TP63: variants seen among roughly 807,000 people sequenced by gnomAD.
TP63 encodes tumor protein p63.
Under a neutral mutation model 82.8 loss-of-function variants are expected in TP63, and 17 were observed. That is an observed-to-expected ratio of 0.21 (90% CI 0.14 to 0.31). The LOEUF is 0.31. Among genes scored for constraint, TP63 ranks in the 10% least tolerant of loss-of-function variants. The probability of loss-of-function intolerance (pLI) is 1.00; values close to 1 mark genes in which losing one functional copy is unlikely to be tolerated. For missense variants in TP63, 648 were observed against 895.3 expected (o/e 0.72, Z 3.52); for synonymous variants, 330 against 321.7 (o/e 1.03, Z -0.28).
chr3:189,866,626 A>G lies in TP63; in HGVS notation c.767-56A>G, dbSNP rs1717758329. ...CATCCTGTTCATGCAATTTCATTTT[A>G]TTTTCTTTATTTTTAAGGTAAAGAA... is the stretch of plus-strand genomic sequence containing the variant. On this transcript the variant is annotated intron_variant, in intron 5 of 13. Coordinates refer to ENST00000264731, the MANE Select transcript of TP63 (RefSeq NM_003722.5). 2.0e-6 allele frequency: 3 copies of G among 1,487,514 alleles called. No individual in the cohort carries two copies. The East Asian group carries it at 7.1e-5, about 35-fold the overall frequency. The allele number at this position is 1,487,514 out of a possible 1,614,324, so 92.1% of individuals were successfully genotyped here.
chr3:189,798,050 A>C (rs1725894160), intron 3 of TP63, among the ~76,000 whole-genome samples: 1 of 151,896 alleles, frequency 6.6e-6, no homozygotes, highest in South Asian at 2.1e-4. Context: ...AGACCCTGGG[A>C]GGGTAGAGGA....
intron 1 of TP63, among the ~76,000 whole-genome samples, chr3:189,694,300 CA>C (rs1407525862): frequency 1.3e-5 from 2 of 152,184 alleles, no homozygotes; most frequent in African/African-American, 4.8e-5. Context: ...ATATTTGCCA[CA>C]ACGAATGAAC....
intron 1 of TP63, among the ~76,000 whole-genome samples, chr3:189,683,857 A>G (rs1026819504): frequency 1.3e-5 from 2 of 152,202 alleles, no homozygotes; most frequent in Non-Finnish European, 2.9e-5. Context: ...CTGCTCTCAA[A>G]GTGTTAAAGT....
chr3:189,627,776 G>T (rs182082339), upstream of TP63, among the ~76,000 whole-genome samples: 2 of 152,112 alleles, frequency 1.3e-5, no homozygotes, highest in African/African-American at 4.8e-5. Flanking sequence ...AAGTTTTGGG[G>T]TAATAGGGTT....
chr3:189,752,673 C>T lies in TP63; in HGVS notation c.324+13899C>T, dbSNP rs993125546. On this transcript the variant is annotated intron_variant, in intron 3 of 13. Coordinates refer to ENST00000264731, the MANE Select transcript of TP63 (RefSeq NM_003722.5). ...TTTCCATTTTCAACTTGATTATTTC[C>T]GGCCTTATTTGCTTTCTTTTTCTTT... 7.2e-5 allele frequency among the ~76,000 whole-genome samples: 11 copies of T among 151,786 alleles called. No individual in the cohort carries two copies. In the South Asian group the frequency reaches 8.3e-4, roughly 11 times the overall value.
rs79621548 is a variant in TP63, at chr3:189,869,041, A to G, written c.1130-283A>G. ...GCTTTCCTGCAACATTACTTAAGCC[A>G]AAGGCTATTTCCCAGCATACTGAAT... On this transcript the variant is annotated intron_variant, in intron 8 of 13. Coordinates refer to ENST00000264731, the MANE Select transcript of TP63 (RefSeq NM_003722.5). 0.02 allele frequency among the ~76,000 whole-genome samples: 3,048 copies of G among 152,292 alleles called. 111 individuals are homozygous for G. Among genetic ancestry groups the G allele is most frequent in the African/African-American group, 0.069 (2,857 of 41,554 alleles).
intron 1 of TP63, among the ~76,000 whole-genome samples, chr3:189,677,813 CA>C (rs1358215739): frequency 6.6e-6 from 1 of 151,990 alleles, no homozygotes; most frequent in Non-Finnish European, 1.5e-5. Flanking sequence ...GATGGTATCT[CA>C]TTGTGGTTTT....
intron 3 of TP63, among the ~76,000 whole-genome samples, chr3:189,741,385 T>A (rs1284876485): frequency 6.6e-6 from 1 of 152,268 alleles, no homozygotes; most frequent in East Asian, 1.9e-4. Context: ...TAGCTAGTGT[T>A]CTGGTTTAGA....
At chr3:189,619,583 G>A in the TP63 span, among the ~76,000 whole-genome samples, 1 of 152,056 alleles carries the variant, frequency 6.6e-6, no homozygotes, top group East Asian at 1.9e-4. Flanking sequence ...CTCACACTTA[G>A]CCTTTAACTG....
At chr3:189,648,186 T>A (rs559100599) in intron 1 of TP63, among the ~76,000 whole-genome samples, 4 of 147,068 alleles carry the variant, frequency 2.7e-5, no homozygotes, top group African/African-American at 7.6e-5. Flanking sequence ...TAAATGGTAG[T>A]GTGTGTTCGA....
Position 189,868,728 on chromosome 3 carries a change from T to C in TP63, c.1129+12T>C, listed in dbSNP as rs1233584934. ...TGGTACGAAGCGCCGTAAGTAGATG[T>C]AGTGGCCAAATGGGGTAGGGTTGAA... On this transcript the variant is annotated intron_variant, in intron 8 of 13. Coordinates refer to ENST00000264731, the MANE Select transcript of TP63 (RefSeq NM_003722.5). 2 of 1,613,826 alleles carry C rather than the reference T, an allele frequency of 1.2e-6. No homozygotes were observed.
chr3:189,611,953 C>T, the TP63 span, among the ~76,000 whole-genome samples: 1 of 152,002 alleles, frequency 6.6e-6, no homozygotes, highest in Admixed American at 6.6e-5. Flanking sequence ...TATAGGAATA[C>T]TAGTGATTTT....
intron 3 of TP63, among the ~76,000 whole-genome samples, chr3:189,775,239 A>AAG (rs1553836709): frequency 6.5e-5 from 9 of 138,658 alleles, no homozygotes; most frequent in South Asian, 2.2e-4. Flanking sequence ...AAAAAAAAAA[A>AAG]AAAGAAAGAA....
intron 1 of TP63, among the ~76,000 whole-genome samples, chr3:189,666,757 T>C (rs1714422686): frequency 6.6e-6 from 1 of 152,114 alleles, no homozygotes; most frequent in East Asian, 1.9e-4. Context: ...TTCATTCTCC[T>C]AAATTCAAGC....
intron 4 of TP63, among the ~76,000 whole-genome samples, chr3:189,854,386 A>G (rs1716035662): frequency 6.6e-6 from 1 of 151,970 alleles, no homozygotes; most frequent in Non-Finnish European, 1.5e-5. Context: ...ATGTGCCACC[A>G]CGCCCAGCTA....
chr3:189,713,836 CATA>C (rs771751743), intron 1 of TP63, among the ~76,000 whole-genome samples: 4 of 151,616 alleles, frequency 2.6e-5, no homozygotes, highest in African/African-American at 2.4e-5. Context: ...TAAATAAGTC[CATA>C]ATAATATAAT....
chr3:189,795,893 C>G (rs1214984238), intron 3 of TP63, among the ~76,000 whole-genome samples: 2 of 152,018 alleles, frequency 1.3e-5, no homozygotes, highest in African/African-American at 4.8e-5. Context: ...TTTCCCGTTC[C>G]TTAGACTTCT....
At chr3:189,614,224 G>T in the TP63 span, among the ~76,000 whole-genome samples, 1 of 151,882 alleles carries the variant, frequency 6.6e-6, no homozygotes, top group African/African-American at 2.4e-5. Context: ...TTGAATCATG[G>T]GGACCAGTCT....
At chr3:189,737,451 C>T (rs768644597) in intron 1 of TP63, among the ~76,000 whole-genome samples, 3 of 151,972 alleles carry the variant, frequency 2.0e-5, no homozygotes, top group African/African-American at 2.4e-5. Context: ...ACACAGATGT[C>T]GGATAGTGGA....
Sources: gnomAD v4.1 joint callset for allele counts (sites outside exome capture counted in the v4.1 genomes callset) on GRCh38, gnomAD v4.1.1 for gene constraint, MANE v1.5 for transcripts, NCBI Gene and HGNC (gene_info 2026-07-23, HGNC 2026-07-21) for gene names.